The following IFT140 variants were observed in gnomAD, a reference collection of about 807,000 sequenced individuals.
IFT140 encodes intraflagellar transport 140, also known as intraflagellar transport protein 140 homolog.
A neutral mutation model predicts 164.6 loss-of-function variants in IFT140; 133 were observed. The observed-to-expected ratio is 0.81, with a 90% CI of 0.70 to 0.93. IFT140 has a LOEUF of 0.93. Among genes scored for constraint, IFT140 ranks in the 40% least tolerant of loss-of-function variants. IFT140 has a pLI of 0.00. For missense variants in IFT140, 2,045 were observed against 1,972.3 expected, an observed-to-expected ratio of 1.04 and a Z score of -0.70; for synonymous variants, 860 against 817.3, an observed-to-expected ratio of 1.05 and a Z score of -0.89.
chr16:1,603,837 C>T (rs2035916386), intron 3 of IFT140, among the ~76,000 whole-genome samples: 2 of 152,136 alleles, frequency 1.3e-5, no homozygotes, highest in South Asian at 2.1e-4. Flanking sequence ...GATATAAGTG[C>T]GTTTTCAGAG....
chr16:1,605,092 C>G (rs546281645), intron 3 of IFT140, among the ~76,000 whole-genome samples: 2 of 152,214 alleles, frequency 1.3e-5, no homozygotes, highest in Admixed American at 6.5e-5. Context: ...TGGGGATGCT[C>G]AGATCACAGG....
chr16:1,574,416 ACCATAGGTTTG>A (rs2034170823), intron 13 of IFT140, among the ~76,000 whole-genome samples: 1 of 152,024 alleles, frequency 6.6e-6, no homozygotes, highest in Non-Finnish European at 1.5e-5. Flanking sequence ...AGTAGCTGGG[ACCATAGGTTTG>A]CCACCATGCC....
intron 4 of IFT140, among the ~76,000 whole-genome samples, chr16:1,594,747 G>A (rs1596444796): frequency 6.6e-6 from 1 of 152,340 alleles, no homozygotes; most frequent in South Asian, 2.1e-4. Context: ...GGGACGAGGG[G>A]ATGCGGTTAG....
At chr16:1,554,729 T>C in intron 19 of IFT140, 1 of 1,594,364 alleles carries the variant, frequency 6.3e-7, no homozygotes, top group Non-Finnish European at 8.6e-7. Flanking sequence ...GGGGAAGGAG[T>C]GGAACCCGCC....
intron 4 of IFT140, among the ~76,000 whole-genome samples, chr16:1,598,720 G>C (rs540063084): frequency 6.6e-6 from 1 of 152,262 alleles, no homozygotes; most frequent in Admixed American, 6.5e-5. Context: ...CATGCCCCGG[G>C]ACCCATCTGC....
At chr16:1,581,003 T>C (rs2034530147) in intron 12 of IFT140, among the ~76,000 whole-genome samples, 153 bp from the exon 13 acceptor site, 2 of 152,070 alleles carry the variant, frequency 1.3e-5, no homozygotes, top group African/African-American at 4.8e-5. Context: ...ATGAAGAAAA[T>C]GAGGCTCTGA....
chr16:1,517,667 A>C (rs2040404443), intron 30 of IFT140, among the ~76,000 whole-genome samples: 2 of 152,182 alleles, frequency 1.3e-5, no homozygotes, highest in Non-Finnish European at 2.9e-5. Context: ...GCGACTAAAA[A>C]ATGGAACACC....
chr16:1,591,418 C>T (rs1042756476), intron 6 of IFT140, among the ~76,000 whole-genome samples: 4 of 152,182 alleles, frequency 2.6e-5, no homozygotes, highest in Admixed American at 1.3e-4. Context: ...ATTACAAAAA[C>T]CACACAGCCC....
In IFT140 at chr16:1,526,766, C is replaced by T. The variant is rs1210268700; in HGVS notation, c.2430G>A (p.Met810Ile). Residue 810 changes from methionine to isoleucine, a missense_variant, in exon 20 of 31, where the codon ATG becomes ATA. Met to Ile is a conservative substitution (Grantham distance 10). Coordinates refer to ENST00000426508, the MANE Select transcript of IFT140 (RefSeq NM_014714.4). ...SEAVWENMAR[M>I]CVKTQRLDVA... ...CGTCCAGCCGCTGGGTCTTCACGCA[C>T]ATGCGCGCCATGTTCTCCCAGACGG... The T allele has an allele frequency of 1.9e-6, 3 of 1,610,452 alleles. No homozygotes were observed. Among genetic ancestry groups the T allele is most frequent in the Non-Finnish European group, 2.5e-6 (3 of 1,179,150 alleles).
chr16:1,511,973 G>C (rs1204570934), intron 30 of IFT140, among the ~76,000 whole-genome samples: 1 of 151,656 alleles, frequency 6.6e-6, no homozygotes, highest in Non-Finnish European at 1.5e-5. Context: ...CAGGGTCGAA[G>C]AGGGACCCTG....
At position 1,525,311 on chromosome 16, in the gene IFT140, G is replaced by A; in HGVS notation, c.2784C>T (p.Asp928=). Residue 928 remains aspartate, a synonymous_variant, in exon 22 of 31, where the codon GAC becomes GAT. Coordinates refer to ENST00000426508, the MANE Select transcript of IFT140 (RefSeq NM_014714.4). ...TCCTGGGCACCTCGAAGCGGTGCGT[G>A]TCCGACTTCTCGTAGCTGTGAGAGA... ...SRALSYYEKS[D]THRFEVPRML... 2 of 1,611,870 alleles carry A rather than the reference G, an allele frequency of 1.2e-6. No individual in the cohort carries two copies. The highest frequency in any genetic ancestry group is 1.7e-6 in the Non-Finnish European group (2 of 1,179,520).
rs746773782 is a variant in IFT140, at chr16:1,584,323, G to T, written c.1253C>A (p.Ala418Asp). ...CAGACTCGGGGAGACCTGCATGGCG[G>T]CCACTTGCTGGTGGAAGTGTGACGA... ...AMSSHFHQQVAAMQVSPSLLN... is the reference protein window; with the variant it reads ...AMSSHFHQQVDAMQVSPSLLN... Residue 418 changes from alanine to aspartate, a missense_variant, in exon 11 of 31, where the codon GCC becomes GAC. Coordinates refer to ENST00000426508, the MANE Select transcript of IFT140 (RefSeq NM_014714.4). 2 of 1,613,448 alleles carry T rather than the reference G, an allele frequency of 1.2e-6. No individual in the cohort carries two copies. Among genetic ancestry groups the T allele is most frequent in the East Asian group, 2.2e-5 (1 of 44,888 alleles).
rs558341000 is a variant in IFT140, at chr16:1,582,260, G to A, written c.1432+1054C>T. ...AGATTATACTGAGTTATCCAGGTAG[G>A]CCCTAAATACACTCACGAGTGTCCC... On this transcript the variant is annotated intron_variant, in intron 12 of 30. Coordinates refer to ENST00000426508, the MANE Select transcript of IFT140 (RefSeq NM_014714.4). Among the ~76,000 whole-genome samples the A allele has an allele frequency of 2.0e-5, 3 of 152,306 alleles. No homozygotes were observed. The South Asian group carries it at 6.2e-4, about 32-fold the overall frequency.
At position 1,558,092 on chromosome 16, in the gene IFT140, G is replaced by A. The variant is rs760427350; in HGVS notation, c.2242C>T (p.His748Tyr). Residue 748 changes from histidine (H) to tyrosine (Y), a missense_variant, in exon 19 of 31, where the codon CAC (histidine) becomes TAC (tyrosine). Physicochemically the swap from His to Tyr is moderately conservative, Grantham distance 83. Coordinates refer to ENST00000426508, the MANE Select transcript of IFT140 (RefSeq NM_014714.4). ...CTGGACACCATCTGAGGGATGTGGT[G>A]GCACCCAGGCTCCACCTCGTCTTCT... ...DREDEVEPGC[H>Y]HIPQMVSRRP... 48 of 1,614,052 alleles carry A rather than the reference G, an allele frequency of 3.0e-5. No homozygotes were observed. Among genetic ancestry groups the A allele is most frequent in the Middle Eastern group, 1.6e-4 (1 of 6,064 alleles).
At chr16:1,545,462 C>T (rs1043421347) in intron 19 of IFT140, among the ~76,000 whole-genome samples, 1 of 152,206 alleles carries the variant, frequency 6.6e-6, no homozygotes, top group African/African-American at 2.4e-5. Flanking sequence ...ACAAACAGGA[C>T]AGAAAGTAGC....
chr16:1,541,326 T>C lies in IFT140; in HGVS notation c.2400-14530A>G, dbSNP rs377714023. 1.7e-4 allele frequency: 171 copies of C among 985,316 alleles called. No individual in the cohort carries two copies. In the African/African-American group the frequency reaches 2.8e-3, roughly 16 times the overall value. 61.0% of individuals were successfully genotyped at this position (985,316 alleles called of 1,614,324 possible). A position where few individuals can be genotyped will look rare whatever the true frequency, so the allele number is the denominator to read the frequency against. The stretch of plus-strand genomic sequence containing the variant: ...CTGGTTCAGACCCATGTCTGACCCC[T>C]GCTCAGCCCCTTGCTGGTTATGAGG... On this transcript the variant is annotated intron_variant, in intron 19 of 30. Transcript: ENST00000426508.
intron 26 of IFT140, among the ~76,000 whole-genome samples, chr16:1,522,282 G>A (rs1163486306): frequency 6.6e-6 from 1 of 152,064 alleles, no homozygotes; most frequent in Non-Finnish European, 1.5e-5. Flanking sequence ...GCTTGAACCC[G>A]GGAGGCTGAG....
Position 1,602,521 on chromosome 16 carries a change from C to G in IFT140, c.218G>C (p.Arg73Pro). ...RVASLCWHPT[R>P]LVLAVGWETG... ...CTCCCAGCCCACAGCCAGCACCAGC[C>G]GCGTCGGGTGCCAGCACAGGGAAGC... The change falls in exon 4 of 31, where the codon CGG (arginine) becomes CCG (proline). Residue 73 changes from arginine to proline, a missense_variant. Coordinates refer to ENST00000426508, the MANE Select transcript of IFT140 (RefSeq NM_014714.4). The G allele has an allele frequency of 6.2e-7, 1 of 1,614,122 alleles. No homozygotes were observed. Among genetic ancestry groups the G allele is most frequent in the South Asian group, 1.1e-5 (1 of 91,084 alleles).
chr16:1,548,140 C>T lies in IFT140; in HGVS notation c.2399+9795G>A, dbSNP rs562250797. ...CTCTAGAGAGGATTGTTTGGGTCAC[C>T]GTCATCTTGTTGCTCACAGGTGGGA... On this transcript the variant is annotated intron_variant, in intron 19 of 30. Transcript: ENST00000426508. 6.6e-5 allele frequency among the ~76,000 whole-genome samples: 10 copies of T among 152,356 alleles called. No homozygotes were observed. The South Asian group carries it at 1.2e-3, about 19-fold the overall frequency.
Sources: allele counts gnomAD v4.1 joint callset (sites outside exome capture counted in the v4.1 genomes callset), GRCh38; gene constraint gnomAD v4.1.1; transcripts MANE v1.5; gene names NCBI Gene and HGNC (gene_info 2026-07-23, HGNC 2026-07-21).